The following NXPH1 variants were observed in gnomAD, a reference collection of about 807,000 sequenced individuals.
NXPH1 encodes neurexophilin-1.
Under a neutral mutation model 23.7 loss-of-function variants are expected in NXPH1, and 5 were observed. That is an observed-to-expected ratio of 0.21 (90% CI 0.11 to 0.44). The LOEUF (loss-of-function observed/expected upper bound fraction) is 0.44. Ranked by LOEUF, NXPH1 falls within the 20% of genes least tolerant of loss-of-function variation. NXPH1 has a pLI of 0.99. For synonymous variants in NXPH1, 144 were observed against 122.2 expected, an observed-to-expected ratio of 1.18 and a Z score of -1.18; for missense variants, 324 against 321.6, an observed-to-expected ratio of 1.01 and a Z score of -0.06.
At chr7:8,643,137 A>T (rs1358362807) in intron 2 of NXPH1, among the ~76,000 whole-genome samples, 1 of 151,370 alleles carries the variant, frequency 6.6e-6, no homozygotes, top group African/African-American at 2.4e-5. Flanking sequence ...TGCTGGGATT[A>T]CAAGCATGAG....
chr7:8,541,649 C>A (rs544718462), intron 2 of NXPH1, among the ~76,000 whole-genome samples: 1 of 151,470 alleles, frequency 6.6e-6, no homozygotes, highest in Non-Finnish European at 1.5e-5. Flanking sequence ...ATTGCTTAAA[C>A]CAAAACAATC....
chr7:8,613,003 T>A (rs1390296229), intron 2 of NXPH1, among the ~76,000 whole-genome samples: 3 of 151,988 alleles, frequency 2.0e-5, no homozygotes, highest in Non-Finnish European at 4.4e-5. Flanking sequence ...TGTGAAAAAA[T>A]AATAATAAAG....
chr7:8,740,176 T>C lies in NXPH1; in HGVS notation c.55-10832T>C, dbSNP rs568034526. On this transcript the variant is annotated intron_variant, in intron 2 of 2. Transcript: ENST00000405863. The stretch of plus-strand genomic sequence containing the variant: ...CAGGGTTTCATAACCTAACTTGGCA[T>C]AATAGGTCTCATGTGTTGTGCTCAA... Among the ~76,000 whole-genome samples, 6 of 152,358 alleles carry C rather than the reference T, an allele frequency of 3.9e-5. No individual in the cohort carries two copies. The East Asian group carries it at 9.6e-4, about 24-fold the overall frequency.
At chr7:8,635,658 A>G (rs1303444459) in intron 2 of NXPH1, among the ~76,000 whole-genome samples, 7 of 152,208 alleles carry the variant, frequency 4.6e-5, no homozygotes, top group Non-Finnish European at 7.4e-5. Flanking sequence ...GTCTAAAAGC[A>G]TTTGAAATAT....
intron 2 of NXPH1, among the ~76,000 whole-genome samples, chr7:8,668,172 T>C (rs1031234145): frequency 1.2e-4 from 18 of 152,138 alleles, no homozygotes; most frequent in Non-Finnish European, 7.4e-5. Context: ...TTTTGAATTA[T>C]TTGTTAGACA....
chr7:8,511,897 G>T (rs527831099), intron 2 of NXPH1, among the ~76,000 whole-genome samples: 1 of 152,222 alleles, frequency 6.6e-6, no homozygotes, highest in South Asian at 2.1e-4. Context: ...TATCAAGGTT[G>T]ACTGAAAGAA....
chr7:8,620,643 C>G (rs1307452271), intron 2 of NXPH1, among the ~76,000 whole-genome samples: 1 of 152,134 alleles, frequency 6.6e-6, no homozygotes, highest in African/African-American at 2.4e-5. Context: ...GAAACTGAGC[C>G]CCGCTGATAC....
intron 2 of NXPH1, among the ~76,000 whole-genome samples, chr7:8,636,239 A>G (rs896695009): frequency 6.6e-6 from 1 of 152,204 alleles, no homozygotes; most frequent in African/African-American, 2.4e-5. Flanking sequence ...AATGTAAGTG[A>G]AAGTTCCCTG....
At chr7:8,553,512 ATGAC>A (rs1192365886) in intron 2 of NXPH1, among the ~76,000 whole-genome samples, 3 of 151,570 alleles carry the variant, frequency 2.0e-5, no homozygotes, top group Non-Finnish European at 4.4e-5. Context: ...GGCCAGTTTT[ATGAC>A]TGACTGACTA....
intron 2 of NXPH1, among the ~76,000 whole-genome samples, chr7:8,695,893 C>G (rs1391614770): frequency 6.6e-6 from 1 of 152,140 alleles, no homozygotes; most frequent in African/African-American, 2.4e-5. Flanking sequence ...TTCATGGAGT[C>G]ATTGTATTGT....
intron 2 of NXPH1, among the ~76,000 whole-genome samples, chr7:8,662,784 T>C (rs1031318219): frequency 3.2e-4 from 48 of 152,076 alleles, no homozygotes; most frequent in Non-Finnish European, 4.9e-4. Flanking sequence ...TGCAGTGATA[T>C]CAAAAAGCCA....
intron 2 of NXPH1, among the ~76,000 whole-genome samples, chr7:8,744,057 A>G (rs1251045965): frequency 6.6e-6 from 1 of 152,088 alleles, no homozygotes; most frequent in Non-Finnish European, 1.5e-5. Context: ...CCCCAAACTC[A>G]GTTTCTGTCC....
intron 2 of NXPH1, among the ~76,000 whole-genome samples, chr7:8,742,671 G>T (rs551801963): frequency 6.6e-6 from 1 of 151,748 alleles, no homozygotes; most frequent in African/African-American, 2.4e-5. Flanking sequence ...ACCAAAATTT[G>T]AACAGGTTTT....
At chr7:8,727,690 G>C (rs1173854319) in intron 2 of NXPH1, among the ~76,000 whole-genome samples, 2 of 152,126 alleles carry the variant, frequency 1.3e-5, no homozygotes, top group Middle Eastern at 3.2e-3. Context: ...CTGTTCCGTT[G>C]ATCTATATCT....
intron 2 of NXPH1, among the ~76,000 whole-genome samples, chr7:8,680,686 T>C (rs142816092): frequency 6.6e-6 from 1 of 152,322 alleles, no homozygotes; most frequent in Non-Finnish European, 1.5e-5. Context: ...GTAGAATTAT[T>C]ATGCAATGAT....
intron 2 of NXPH1, among the ~76,000 whole-genome samples, chr7:8,461,657 C>T (rs1050741166): frequency 3.3e-5 from 5 of 149,902 alleles, no homozygotes; most frequent in Admixed American, 6.6e-5. Context: ...GGTGAAACCC[C>T]GTCTCTACTA....
intron 2 of NXPH1, among the ~76,000 whole-genome samples, chr7:8,544,959 C>T (rs921218539): frequency 2.0e-5 from 3 of 151,512 alleles, no homozygotes; most frequent in Non-Finnish European, 3.0e-5. Flanking sequence ...CTTAGTCTAG[C>T]GTGACCTTAA....
At chr7:8,469,139 C>T (rs1334611354) in intron 2 of NXPH1, among the ~76,000 whole-genome samples, 1 of 151,710 alleles carries the variant, frequency 6.6e-6, no homozygotes, top group East Asian at 1.9e-4. Context: ...TTCTTAGAGT[C>T]CCATATTATA....
At chr7:8,543,400 G>A (rs930959713) in intron 2 of NXPH1, among the ~76,000 whole-genome samples, 2 of 151,382 alleles carry the variant, frequency 1.3e-5, no homozygotes, top group South Asian at 2.1e-4. Flanking sequence ...AGATAATTAC[G>A]ACTAAAGCAA....
Sources: gnomAD v4.1 joint callset for allele counts (sites outside exome capture counted in the v4.1 genomes callset) on GRCh38, gnomAD v4.1.1 for gene constraint, MANE v1.5 for transcripts, NCBI Gene and HGNC (gene_info 2026-07-23, HGNC 2026-07-21) for gene names.